The following TSPEAR variants were observed in gnomAD, a reference collection of about 807,000 sequenced individuals.
TSPEAR encodes thrombospondin type laminin G domain and EAR repeats.
Under a neutral mutation model 71.6 loss-of-function variants are expected in TSPEAR, and 69 were observed. The observed-to-expected ratio is 0.96, with a 90% CI of 0.79 to 1.18. TSPEAR has a LOEUF of 1.18. Ranked by LOEUF, TSPEAR falls within the 50% of genes most tolerant of loss-of-function variation. TSPEAR has a pLI of 0.00. For synonymous variants in TSPEAR, 402 were observed against 387.2 expected (o/e 1.04, Z -0.45); for missense variants, 971 against 894.9 (o/e 1.09, Z -1.09).
At chr21:44,544,120 G>A (rs1309942045) in intron 2 of TSPEAR, among the ~76,000 whole-genome samples, 1 of 152,082 alleles carries the variant, frequency 6.6e-6, no homozygotes, top group Non-Finnish European at 1.5e-5. Context: ...AGTTCACTGG[G>A]GTTTAAGTTT....
intron 1 of TSPEAR, among the ~76,000 whole-genome samples, chr21:44,606,163 C>CAAAAA (rs61407657): frequency 0.024 from 1,675 of 70,768 alleles, 34 homozygotes; most frequent in African/African-American, 0.064. Context: ...GACCCTGGCT[C>CAAAAA]AAAAAAAAAA....
At chr21:44,540,823 T>G (rs1018577018) in intron 2 of TSPEAR, among the ~76,000 whole-genome samples, 8 of 152,174 alleles carry the variant, frequency 5.3e-5, no homozygotes, top group Non-Finnish European at 1.2e-4. Flanking sequence ...CACTCAGACG[T>G]TGGTGTGGGA....
intron 9 of TSPEAR, chr21:44,509,822 G>C (rs2052316785): frequency 4.7e-6 from 1 of 214,178 alleles, no homozygotes; most frequent in Admixed American, 5.3e-5. Flanking sequence ...TCCTACTCCA[G>C]GCCCCAGTGC....
At chr21:44,552,393 G>C (rs1287927815) in intron 2 of TSPEAR, among the ~76,000 whole-genome samples, 1 of 152,164 alleles carries the variant, frequency 6.6e-6, no homozygotes, top group East Asian at 1.9e-4. Flanking sequence ...TTCTCACCAG[G>C]AACCAGCAAC....
chr21:44,517,464 G>C, intron 9 of TSPEAR: 1 of 277,266 alleles, frequency 3.6e-6, no homozygotes, highest in South Asian at 3.4e-5. Flanking sequence ...GAGGACGTGA[G>C]CACAGGTCCA....
In TSPEAR at chr21:44,690,320, GAC is replaced by G. The variant is rs138349395; in HGVS notation, c.82+21111_82+21112del. 2.8e-3 allele frequency among the ~76,000 whole-genome samples: 424 copies of G among 152,334 alleles called. 4 individuals are homozygous for G. Among genetic ancestry groups the G allele is most frequent in the African/African-American group, 9.5e-3 (396 of 41,572 alleles). ...AAGAGGAGCATTTCCCAAGGCTAAA[GAC>G]ACAGTCTTCAGGCTGAAAAGAACCA... On this transcript the variant is annotated intron_variant, in intron 1 of 11. Transcript: ENST00000323084.
intron 1 of TSPEAR, chr21:44,573,724 C>A (rs1246589231): frequency 5.0e-6 from 8 of 1,596,070 alleles, no homozygotes; most frequent in Non-Finnish European, 5.1e-6. Flanking sequence ...CCTCCCATCT[C>A]CCCCAGCTCA....
Position 44,592,554 on chromosome 21 carries a change from CA to C in TSPEAR, c.83-24550del, listed in dbSNP as rs1196846787. ...TGCTGAGGCTCTCGGGCTTTTATTC[CA>C]CCTGGCCTTGTTGTCCCCGGGCCCA... On this transcript the variant is annotated intron_variant, in intron 1 of 11. Transcript: ENST00000323084. 7 of 1,546,036 alleles carry C rather than the reference CA, an allele frequency of 4.5e-6. No homozygotes were observed. In the Admixed American group the frequency reaches 1.1e-4, roughly 25 times the overall value.
intron 1 of TSPEAR, among the ~76,000 whole-genome samples, chr21:44,620,600 C>T (rs1555933343): frequency 1.3e-5 from 2 of 152,196 alleles, no homozygotes; most frequent in Admixed American, 6.5e-5. Context: ...AAATCTGTTG[C>T]TCTTCTCAAA....
In TSPEAR at chr21:44,682,082, G is replaced by A. The variant is rs370549695; in HGVS notation, c.82+29351C>T. ...ATGCCTGGCAGGGGCTGGGCGCGCA[G>A]CAGGCTGGCTGGCAGCCCGAGGAGC... On this transcript the variant is annotated intron_variant, in intron 1 of 11. Transcript: ENST00000323084. The A allele has an allele frequency of 2.1e-5, 34 of 1,613,850 alleles. No individual in the cohort carries two copies. In the African/African-American group the frequency reaches 3.3e-4, roughly 16 times the overall value.
At chr21:44,521,535 G>A (rs587771113) in intron 9 of TSPEAR, among the ~76,000 whole-genome samples, 13 of 152,350 alleles carry the variant, frequency 8.5e-5, no homozygotes, top group Non-Finnish European at 1.3e-4. Flanking sequence ...ATTAGACCGC[G>A]GGAGCTTCCA....
intron 8 of TSPEAR, among the ~76,000 whole-genome samples, chr21:44,525,326 TAGTC>T (rs1385377071): frequency 2.0e-5 from 3 of 151,998 alleles, no homozygotes; most frequent in Non-Finnish European, 4.4e-5. Flanking sequence ...GGTAATTAGG[TAGTC>T]AGTCGGGTAG....
rs182646734 is a variant in TSPEAR at position 44,525,528 on chromosome 21, G to A, written c.1336+125C>T. ...CAGACAGTGAGGAACGGTCCAGAAC[G>A]CATGTTCACCCTGTGCTGCATGTGG... is the stretch of plus-strand genomic sequence containing the variant. On this transcript the variant is annotated intron_variant, in intron 8 of 11. Transcript: ENST00000323084. The A allele has an allele frequency of 7.6e-5, 80 of 1,047,144 alleles. 1 individual carries two copies. In the East Asian group the frequency reaches 1.5e-3, roughly 20 times the overall value. 64.9% of individuals were successfully genotyped at this position (1,047,144 alleles called of 1,614,324 possible). A position where few individuals can be genotyped will look rare whatever the true frequency, so the allele number is the denominator to read the frequency against.
intron 1 of TSPEAR, among the ~76,000 whole-genome samples, chr21:44,708,685 G>A (rs1342285680): frequency 6.6e-6 from 1 of 152,166 alleles, no homozygotes; most frequent in East Asian, 1.9e-4. Flanking sequence ...CCACCCTGGG[G>A]TCTCTCCACC....
intron 1 of TSPEAR, among the ~76,000 whole-genome samples, chr21:44,614,971 C>A (rs1981978140): frequency 6.6e-6 from 1 of 152,318 alleles, no homozygotes; most frequent in African/African-American, 2.4e-5. Flanking sequence ...AGGCACCTCA[C>A]CCCACCTGTC....
intron 10 of TSPEAR, among the ~76,000 whole-genome samples, chr21:44,505,272 T>C (rs888108809): frequency 9.9e-5 from 15 of 151,522 alleles, no homozygotes; most frequent in African/African-American, 3.4e-4. Context: ...ACAGACAGGG[T>C]TTCACCATGT....
intron 1 of TSPEAR, among the ~76,000 whole-genome samples, chr21:44,698,865 A>T (rs538795380): frequency 2.0e-5 from 3 of 152,240 alleles, no homozygotes; most frequent in Admixed American, 6.5e-5. Flanking sequence ...CAGAAAATAG[A>T]TAAAGCTCCA....
chr21:44,674,620 G>C (rs1011511022), intron 1 of TSPEAR, among the ~76,000 whole-genome samples: 1 of 152,248 alleles, frequency 6.6e-6, no homozygotes, highest in South Asian at 2.1e-4. Flanking sequence ...AGAAGGCTGA[G>C]GTGGGAAGAT....
intron 1 of TSPEAR, among the ~76,000 whole-genome samples, chr21:44,689,740 T>TATATATATATATATATATATA (rs1555949490): frequency 2.2e-3 from 275 of 124,864 alleles, no homozygotes; most frequent in African/African-American, 2.6e-3. Context: ...TATATATATA[T>TATATATATATATATATATATA]TTTGGGGGGG....
Sources: gnomAD v4.1 joint callset for allele counts (sites outside exome capture counted in the v4.1 genomes callset) on GRCh38, gnomAD v4.1.1 for gene constraint, MANE v1.5 for transcripts, NCBI Gene and HGNC (gene_info 2026-07-23, HGNC 2026-07-21) for gene names.